Variants in ACSL6 observed in about 807,000 individuals in gnomAD.
The protein encoded by ACSL6 is long-chain-fatty-acid--CoA ligase 6.
Under a neutral mutation model 98.2 loss-of-function variants are expected in ACSL6, and 47 were observed. The ratio of observed to expected loss-of-function variants is 0.48; its 90% CI spans 0.38 to 0.61. ACSL6 has a LOEUF of 0.61. ACSL6 is among the 20% of genes least tolerant of loss of function. ACSL6 has a pLI of 0.00. For missense variants in ACSL6, 761 were observed against 913.4 expected (o/e 0.83, Z 2.15); for synonymous variants, 362 against 336.9 (o/e 1.07, Z -0.82).
At chr5:131,988,020 A>G in intron 7 of ACSL6, 28 bp downstream of exon 7, 5 of 1,607,888 alleles carry the variant, frequency 3.1e-6, no homozygotes, top group Non-Finnish European at 2.6e-6. Flanking sequence ...GCAGTAGCCC[A>G]GCAAACCGCC....
At chr5:132,011,836 G>A, upstream of ACSL6, 2 of 1,497,806 alleles carry the variant, frequency 1.3e-6, no homozygotes, top group Non-Finnish European at 1.8e-6. This position sits in a 1 kb window ranked among gnomAD's most constrained non-coding sequence, Gnocchi z 5.4. Flanking sequence ...TGTCGGAACC[G>A]CCAAGCTCCC....
chr5:131,956,905 A>T (rs896575067), intron 20 of ACSL6, among the ~76,000 whole-genome samples: 1 of 152,208 alleles, frequency 6.6e-6, no homozygotes, highest in East Asian at 1.9e-4. Context: ...GGAGATGCCT[A>T]ATGTTAGCTT....
Position 131,959,516 on chromosome 5 carries a change from A to G in ACSL6, c.2031+20T>C. 6.2e-7 allele frequency: 1 copy of G among 1,611,628 alleles called. No homozygotes were observed. Among genetic ancestry groups the G allele is most frequent in the Non-Finnish European group, 8.5e-7 (1 of 1,177,708 alleles). On this transcript the variant is annotated intron_variant, in intron 20 of 20. Coordinates refer to ENST00000651883, the MANE Select transcript of ACSL6 (RefSeq NM_001009185.3). ...CACTGCCTGAAGGGTTGTAACGAGT[A>G]TGGGGAAGGTAACAGTTACCTGCTC...
At position 131,985,486 on chromosome 5, in the gene ACSL6, A is replaced by G. The variant is rs1166943361; in HGVS notation, c.865-28T>C. On this transcript the variant is annotated intron_variant, in intron 8 of 20. Coordinates refer to ENST00000651883, the MANE Select transcript of ACSL6 (RefSeq NM_001009185.3). ...GCAGGGGTGAGAAGAGGAGTGTGTT[A>G]GGGAGACCCAGTGTGGCCAGCCAGG... 7 of 1,612,782 alleles carry G rather than the reference A, an allele frequency of 4.3e-6. No homozygotes were observed. In the African/African-American group the frequency reaches 6.7e-5, roughly 15 times the overall value.
intron 9 of ACSL6, chr5:131,984,170 C>T (rs1052055476): frequency 6.6e-6 from 1 of 152,214 alleles, no homozygotes; most frequent in Admixed American, 6.5e-5. Context: ...ATTTTTCTGA[C>T]AAAGTTTAGT....
Position 131,971,490 on chromosome 5 carries a change from A to G in ACSL6, c.1434+60T>C. 2.8e-6 allele frequency: 4 copies of G among 1,403,698 alleles called. No homozygotes were observed. The South Asian group carries it at 4.4e-5, about 15-fold the overall frequency. The allele number at this position is 1,403,698 out of a possible 1,614,324, so 87.0% of individuals were successfully genotyped here. A position where few individuals can be genotyped will look rare whatever the true frequency, so the allele number is the denominator to read the frequency against. On this transcript the variant is annotated intron_variant, in intron 14 of 20. Coordinates refer to ENST00000651883, the MANE Select transcript of ACSL6 (RefSeq NM_001009185.3). ...TTCTCTGAGCAGTAGAGGGTATAGT[A>G]GTTTTCCTGCCCTAACGAACTTCCT...
chr5:131,990,999 C>T (rs920250388), intron 2 of ACSL6, 32 bp from the exon 3 acceptor site: 1 of 1,605,790 alleles, frequency 6.2e-7, no homozygotes, highest in Non-Finnish European at 8.5e-7. Context: ...GAGAAGTTGG[C>T]TGAGGCAGGT....
chr5:131,990,840 C>T lies in ACSL6; in HGVS notation c.385+13G>A, dbSNP rs200813446. The T allele has an allele frequency of 5.8e-6, 9 of 1,552,370 alleles. No individual in the cohort carries two copies. The South Asian group carries it at 9.0e-5, about 15-fold the overall frequency. The stretch of plus-strand genomic sequence containing the variant: ...CACAGCCCCTCCACACCCCCCCCCA[C>T]AACCCTTCTCACCTGAGATGCTAAG... On this transcript the variant is annotated intron_variant, in intron 3 of 20. Transcript: ENST00000651883.
Position 132,002,923 on chromosome 5 carries a change from C to T in ACSL6, c.49+8582G>A, listed in dbSNP as rs182066272. Among the ~76,000 whole-genome samples the T allele has an allele frequency of 1.3e-3, 202 of 152,254 alleles. 1 individual carries two copies. The highest frequency in any genetic ancestry group is 1.3e-3 in the Non-Finnish European group (86 of 68,016). ...CTGCCTCATGCCTTCAGAGTCACAGCCCACAAGCTAATGGCACTCAGCCCT... is the reference window on the plus strand; with the variant it reads ...CTGCCTCATGCCTTCAGAGTCACAGTCCACAAGCTAATGGCACTCAGCCCT... On this transcript the variant is annotated intron_variant, in intron 1 of 20. Transcript: ENST00000651883.
chr5:131,995,731 G>A (rs1754763881), intron 1 of ACSL6, among the ~76,000 whole-genome samples: 1 of 152,160 alleles, frequency 6.6e-6, no homozygotes. Context: ...TCATTGCAGA[G>A]ACACACAAAA....
At chr5:131,974,798 G>A in intron 11 of ACSL6, 95 bp downstream of exon 11, 12 of 1,612,820 alleles carry the variant, frequency 7.4e-6, no homozygotes, top group Non-Finnish European at 1.0e-5. Context: ...AGGCAAATAG[G>A]AAATGTGCAC....
rs1040924370 is a variant in ACSL6, at chr5:132,011,081, G to A, written c.49+424C>T. On this transcript the variant is annotated intron_variant, in intron 1 of 20. Coordinates refer to ENST00000651883, the MANE Select transcript of ACSL6 (RefSeq NM_001009185.3). This position sits in a 1 kb window ranked among gnomAD's most constrained non-coding sequence, Gnocchi z 5.4. ...GGGATCAGGAAGCCTAGGTCAGTCC[G>A]GGTTACATAGCTGACCTGCTGTGGG... Among the ~76,000 whole-genome samples, 13 of 152,146 alleles carry A rather than the reference G, an allele frequency of 8.5e-5. No homozygotes were observed. The highest frequency in any genetic ancestry group is 2.6e-4 in the Admixed American group (4 of 15,282).
chr5:131,969,549 C>T (rs1753190327), intron 15 of ACSL6, among the ~76,000 whole-genome samples: 1 of 151,798 alleles, frequency 6.6e-6, no homozygotes, highest in Admixed American at 6.6e-5. Flanking sequence ...AGATACAACT[C>T]CAGATGGAAA....
Position 131,950,486 on chromosome 5 carries a change from T to C in ACSL6, c.*3748A>G, listed in dbSNP as rs550842595. The C allele has an allele frequency of 3.3e-4, 68 of 203,516 alleles. 1 individual carries two copies. In the East Asian group the frequency reaches 4.5e-3, roughly 13 times the overall value. The allele number at this position is 203,516 out of a possible 1,614,324, so 12.6% of individuals were successfully genotyped here. On this transcript the variant is annotated 3_prime_UTR_variant, in exon 21 of 21. Transcript: ENST00000651883. ...AAATTCAGACTACTAGGATCCTTTT[T>C]TCTTTTCATGTAAATGCTTCCTTAA...
intron 12 of ACSL6, 76 bp downstream of exon 12, chr5:131,973,190 C>G: frequency 6.5e-7 from 1 of 1,548,332 alleles, no homozygotes; most frequent in South Asian, 1.3e-5. Flanking sequence ...GAAAGCCTGC[C>G]TGGGGCTCCA....
chr5:131,984,516 A>C (rs1473707987), intron 9 of ACSL6: 1 of 152,316 alleles, frequency 6.6e-6, no homozygotes, highest in African/African-American at 2.4e-5. Flanking sequence ...GAATTATGAC[A>C]GCAGGGCACA....
chr5:131,988,551 T>A, intron 6 of ACSL6: 1 of 1,545,212 alleles, frequency 6.5e-7, no homozygotes, highest in Non-Finnish European at 8.8e-7. Flanking sequence ...TTCAGAGGGC[T>A]GTACCCTGTG....
At chr5:132,003,654 C>G (rs1477099112) in intron 1 of ACSL6, 1 of 152,264 alleles carries the variant, frequency 6.6e-6, no homozygotes, top group African/African-American at 2.4e-5. Flanking sequence ...CAAAGCAAAA[C>G]GAGGCCCCAG....
intron 7 of ACSL6, 32 bp downstream of exon 7, chr5:131,988,016 G>A: frequency 6.2e-7 from 1 of 1,607,160 alleles, no homozygotes; most frequent in Non-Finnish European, 8.5e-7. Flanking sequence ...GCCAGCAGTA[G>A]CCCAGCAAAC....
Sources: gnomAD v4.1 joint callset for allele counts (sites outside exome capture counted in the v4.1 genomes callset) on GRCh38, gnomAD v4.1.1 for gene constraint, Gnocchi (gnomAD v3.1) non-coding constraint, MANE v1.5 for transcripts, NCBI Gene and HGNC (gene_info 2026-07-23, HGNC 2026-07-21) for gene names.